The following GSTA4 variants were observed in gnomAD, a reference collection of about 807,000 sequenced individuals.
The protein encoded by GSTA4 is glutathione S-transferase A4.
GSTA4 carries 15 observed loss-of-function variants against 24.4 expected under a neutral mutation model. The ratio of observed to expected loss-of-function variants is 0.61; its 90% confidence interval spans 0.41 to 0.95. The LOEUF is 0.95. GSTA4 is among the 40% of genes least tolerant of loss of function. The pLI is 0.00. For synonymous variants in GSTA4, 92 were observed against 94.2 expected, an observed-to-expected ratio of 0.98 and a Z score of 0.13; for missense variants, 244 against 262.1, an observed-to-expected ratio of 0.93 and a Z score of 0.48.
intron 6 of GSTA4, among the ~76,000 whole-genome samples, 183 bp downstream of exon 6, chr6:52,982,391 T>G (rs1196611059): frequency 6.6e-6 from 1 of 152,130 alleles, no homozygotes. Context: ...TCTTTCAACT[T>G]GAAGGATTTA....
intron 3 of GSTA4, among the ~76,000 whole-genome samples, chr6:52,986,475 A>G (rs1045105053): frequency 2.6e-5 from 4 of 152,222 alleles, no homozygotes; most frequent in African/African-American, 9.6e-5. Flanking sequence ...GCTACTCTGT[A>G]GCCACAGAAC....
intron 2 of GSTA4, among the ~76,000 whole-genome samples, chr6:52,990,418 C>A (rs768138221): frequency 6.6e-6 from 1 of 152,174 alleles, no homozygotes; most frequent in Non-Finnish European, 1.5e-5. Flanking sequence ...ACGGGGAGGG[C>A]CCCTCCCCAC....
At chr6:52,980,791 C>A (rs1036753813) in intron 6 of GSTA4, among the ~76,000 whole-genome samples, 1 of 152,174 alleles carries the variant, frequency 6.6e-6, no homozygotes, top group Admixed American at 6.5e-5. Flanking sequence ...CACAGTCTTG[C>A]AACTATGCAG....
Position 52,987,595 on chromosome 6 carries a change from T to A in GSTA4, c.88-187A>T, listed in dbSNP as rs148122265. Reference sequence around the variant, plus strand: ...CATATGTGGGAGCTAAAAAAGTGGATCTCATGGAAATAGAAAGTTGATTGG... The same window carrying A: ...CATATGTGGGAGCTAAAAAAGTGGAACTCATGGAAATAGAAAGTTGATTGG... On this transcript the variant is annotated intron_variant, in intron 2 of 6. Transcript: ENST00000370963. The A allele has an allele frequency of 2.4e-3, 1,218 of 516,852 alleles. 2 individuals carry two copies. Among genetic ancestry groups the A allele is most frequent in the Non-Finnish European group, 3.5e-3 (1,021 of 292,706 alleles). The allele number at this position is 516,852 out of a possible 1,614,324, so 32.0% of individuals were successfully genotyped here.
At chr6:52,981,106 A>G (rs1388639269) in intron 6 of GSTA4, among the ~76,000 whole-genome samples, 1 of 151,682 alleles carries the variant, frequency 6.6e-6, no homozygotes. Flanking sequence ...AAAGTAAATG[A>G]AAAAAAAATT....
At chr6:52,989,158 G>A (rs2127386993) in intron 2 of GSTA4, among the ~76,000 whole-genome samples, 1 of 152,302 alleles carries the variant, frequency 6.6e-6, no homozygotes, top group East Asian at 1.9e-4. Flanking sequence ...AAAGGCTATG[G>A]CAATGTCAGG....
chr6:52,985,701 A>G (rs1268895073), intron 3 of GSTA4, 118 bp from the exon 4 acceptor site: 1 of 1,038,042 alleles, frequency 9.6e-7, no homozygotes, highest in Non-Finnish European at 1.4e-6. Flanking sequence ...AATAGTGTAA[A>G]GCTTCCAGAT....
At chr6:52,982,239 C>T (rs369045898) in intron 6 of GSTA4, among the ~76,000 whole-genome samples, 1 of 152,036 alleles carries the variant, frequency 6.6e-6, no homozygotes, top group African/African-American at 2.4e-5. Flanking sequence ...AATTTCTGAG[C>T]TGGGTGTGCT....
chr6:52,994,134 T>C lies in GSTA4; in HGVS notation c.87+23A>G, dbSNP rs369586008. The C allele has an allele frequency of 3.4e-5, 51 of 1,483,288 alleles. 1 individual carries two copies. The East Asian group carries it at 5.6e-4, about 16-fold the overall frequency. 91.9% of individuals were successfully genotyped at this position (1,483,288 alleles called of 1,614,324 possible). The stretch of plus-strand genomic sequence containing the variant: ...TCTCAAAAGCTGTATGACAAATCCG[T>C]GAAGAAACAGCATATAAGGTACCTC... On this transcript the variant is annotated intron_variant, in intron 2 of 6. Coordinates refer to ENST00000370963, the MANE Select transcript of GSTA4 (RefSeq NM_001512.4).
intron 6 of GSTA4, among the ~76,000 whole-genome samples, chr6:52,979,868 T>C (rs905027166): frequency 6.6e-6 from 1 of 152,230 alleles, no homozygotes; most frequent in East Asian, 1.9e-4. Context: ...TTAAATATTA[T>C]ACCAAAATTT....
chr6:52,989,672 A>G (rs1302879603), intron 2 of GSTA4, among the ~76,000 whole-genome samples: 3 of 152,178 alleles, frequency 2.0e-5, no homozygotes, highest in Admixed American at 6.5e-5. Flanking sequence ...GCTCATGAAC[A>G]GTATCCTTGG....
intron 4 of GSTA4, 28 bp from the exon 5 acceptor site, chr6:52,984,633 T>C: frequency 6.2e-7 from 1 of 1,605,868 alleles, no homozygotes; most frequent in Non-Finnish European, 8.5e-7. Context: ...GTTGTCTCAG[T>C]TTCTCCTCTC....
chr6:52,980,090 C>G (rs1763420190), intron 6 of GSTA4, among the ~76,000 whole-genome samples: 1 of 152,024 alleles, frequency 6.6e-6, no homozygotes, highest in Non-Finnish European at 1.5e-5. Flanking sequence ...GCAGATAATG[C>G]TTGGGGCTTA....
chr6:52,982,721 G>A lies in GSTA4; in HGVS notation c.415-16C>T, dbSNP rs1353829940. ...CCCTTAAAATCTGTAGGGAAATGGTGTGCATCAGTTACAATATTCCACATG... is the reference window on the plus strand; with the variant it reads ...CCCTTAAAATCTGTAGGGAAATGGTATGCATCAGTTACAATATTCCACATG... On this transcript the variant is annotated splice_polypyrimidine_tract_variant and intron_variant, in intron 5 of 6. Transcript: ENST00000370963. 4 of 1,602,602 alleles carry A rather than the reference G, an allele frequency of 2.5e-6. 1 individual carries two copies. The South Asian group carries it at 3.3e-5, about 13-fold the overall frequency.
At chr6:52,990,188 G>A (rs1429266962) in intron 2 of GSTA4, among the ~76,000 whole-genome samples, 1 of 152,214 alleles carries the variant, frequency 6.6e-6, no homozygotes, top group Non-Finnish European at 1.5e-5. Flanking sequence ...TGTCAATGAT[G>A]ACTCAAATTA....
At chr6:52,982,884 GGAGA>G (rs3063729) in intron 5 of GSTA4, among the ~76,000 whole-genome samples, 179 bp from the exon 6 acceptor site, 84,080 of 148,118 alleles carry the variant, frequency 0.57, 23,808 homozygotes, top group East Asian at 0.74. Flanking sequence ...AGAGAGAGGG[GGAGA>G]GAGAGAGAGA....
At chr6:52,982,084 C>T (rs990324206) in intron 6 of GSTA4, among the ~76,000 whole-genome samples, 3 of 152,190 alleles carry the variant, frequency 2.0e-5, no homozygotes, top group Non-Finnish European at 4.4e-5. Context: ...TGATGTTTAT[C>T]TCGCCCACTA....
chr6:52,994,041 T>C (rs779581788), intron 2 of GSTA4, 116 bp downstream of exon 2: 3 of 763,556 alleles, frequency 3.9e-6, no homozygotes, highest in Middle Eastern at 2.2e-4. Flanking sequence ...CAGTGAAGCG[T>C]GCCTGTGATT....
At chr6:52,993,605 G>A (rs368515797) in intron 2 of GSTA4, among the ~76,000 whole-genome samples, 27 of 152,336 alleles carry the variant, frequency 1.8e-4, no homozygotes, top group Middle Eastern at 3.4e-3. Context: ...CACAAAACAA[G>A]GGAAGGGAGG....
Sources: allele counts gnomAD v4.1 joint callset (sites outside exome capture counted in the v4.1 genomes callset), GRCh38; gene constraint gnomAD v4.1.1; transcripts MANE v1.5; gene names NCBI Gene and HGNC (gene_info 2026-07-23, HGNC 2026-07-21).